RANBP17: variants seen among roughly 807,000 people sequenced by gnomAD.
The protein encoded by RANBP17 is RAN binding protein 17.
In RANBP17, 158 loss-of-function variants were observed where a neutral mutation model predicts 141.2. The ratio of observed to expected loss-of-function variants is 1.12; its 90% CI spans 0.98 to 1.28. The LOEUF is 1.28. Among genes scored for constraint, RANBP17 ranks in the 50% most tolerant of loss-of-function variants. The pLI is 0.00. For synonymous variants in RANBP17, 430 were observed against 450.0 expected, an observed-to-expected ratio of 0.96 and a Z score of 0.56; for missense variants, 1,438 against 1,290.7, an observed-to-expected ratio of 1.11 and a Z score of -1.75.
intron 1 of RANBP17, among the ~76,000 whole-genome samples, chr5:170,863,930 T>C (rs1767027879): frequency 6.6e-6 from 1 of 152,234 alleles, no homozygotes; most frequent in South Asian, 2.1e-4. Flanking sequence ...GACAGTTTTG[T>C]TGACTAGAAA....
At chr5:170,878,817 G>A (rs189280933) in intron 2 of RANBP17, among the ~76,000 whole-genome samples, 72 of 152,240 alleles carry the variant, frequency 4.7e-4, no homozygotes, top group African/African-American at 1.6e-3. Flanking sequence ...GAGACTGTGT[G>A]GTCTAGAGCA....
chr5:171,200,588 TG>T (rs34979950), intron 19 of RANBP17, among the ~76,000 whole-genome samples: 1,775 of 152,238 alleles, frequency 0.012, 31 homozygotes, highest in African/African-American at 0.04. Flanking sequence ...CTCCAGAGAA[TG>T]TAGACACCTT....
intron 14 of RANBP17, among the ~76,000 whole-genome samples, chr5:171,153,433 A>C (rs1048693619): frequency 1.3e-5 from 2 of 152,252 alleles, no homozygotes; most frequent in African/African-American, 4.8e-5. Context: ...TATGCTAAAC[A>C]GTGGGACACA....
At chr5:171,053,919 A>G (rs1329151270) in intron 14 of RANBP17, among the ~76,000 whole-genome samples, 1 of 43,408 alleles carries the variant, frequency 2.3e-5, no homozygotes, top group Non-Finnish European at 5.7e-5. Context: ...ATATATATAT[A>G]TATATAATTG....
chr5:170,910,223 C>T (rs772144210), intron 6 of RANBP17: 2 of 156,946 alleles, frequency 1.3e-5, no homozygotes, highest in African/African-American at 2.4e-5. Flanking sequence ...CTACTTAGTG[C>T]CCTATTGAAT....
chr5:171,047,365 T>C lies in RANBP17; in HGVS notation c.1710+78988T>C, dbSNP rs189645150. Among the ~76,000 whole-genome samples, 754 of 152,004 alleles carry C rather than the reference T, an allele frequency of 5.0e-3. 13 individuals are homozygous for C. The East Asian group carries it at 0.051, about 10-fold the overall frequency. On this transcript the variant is annotated intron_variant, in intron 14 of 27. Coordinates refer to ENST00000523189, the MANE Select transcript of RANBP17 (RefSeq NM_022897.5). ...GTAATGATGTTGAACGGTTTTTTTT[T>C]CCACAAACTTAATTGCCTCCATATA...
At chr5:171,245,039 G>A (rs1265812185) in intron 24 of RANBP17, among the ~76,000 whole-genome samples, 4 of 151,888 alleles carry the variant, frequency 2.6e-5, no homozygotes, top group Non-Finnish European at 5.9e-5. Context: ...TGAAGCAGGA[G>A]AATGGCGTGC....
intron 12 of RANBP17, among the ~76,000 whole-genome samples, chr5:170,934,569 A>C (rs1335295407): frequency 1.3e-5 from 2 of 152,208 alleles, no homozygotes; most frequent in Non-Finnish European, 2.9e-5. Flanking sequence ...TATGAAGCCT[A>C]GTTTGGCTGG....
chr5:171,236,675 G>C (rs898256800), intron 22 of RANBP17, among the ~76,000 whole-genome samples: 1 of 152,054 alleles, frequency 6.6e-6, no homozygotes, highest in Admixed American at 6.5e-5. Flanking sequence ...TATTGTCATA[G>C]TTTACATTTA....
intron 20 of RANBP17, chr5:171,205,855 T>C: frequency 1.7e-6 from 1 of 583,072 alleles, no homozygotes; most frequent in Non-Finnish European, 3.2e-6. Flanking sequence ...AAAAATGACT[T>C]CCCCCAAATG....
chr5:171,057,868 TC>T, intron 14 of RANBP17, among the ~76,000 whole-genome samples: 2 of 152,172 alleles, frequency 1.3e-5, no homozygotes. Flanking sequence ...GCCCCCATGA[TC>T]CAATTACCTA....
At chr5:170,974,619 T>C (rs1777229222) in intron 14 of RANBP17, among the ~76,000 whole-genome samples, 1 of 152,178 alleles carries the variant, frequency 6.6e-6, no homozygotes, top group Non-Finnish European at 1.5e-5. Context: ...CTGGTGGCCC[T>C]GTCCTTCCAG....
chr5:171,058,724 G>A (rs1783587992), intron 14 of RANBP17, among the ~76,000 whole-genome samples: 1 of 150,852 alleles, frequency 6.6e-6, no homozygotes, highest in South Asian at 2.1e-4. Flanking sequence ...CTAGATCCCT[G>A]AGGAATCGCC....
intron 14 of RANBP17, among the ~76,000 whole-genome samples, chr5:171,136,665 C>T (rs931405765): frequency 2.6e-5 from 4 of 152,118 alleles, no homozygotes; most frequent in Admixed American, 2.6e-4. Context: ...TAATTATAGT[C>T]TTATGAACTG....
chr5:170,989,675 T>A lies in RANBP17; in HGVS notation c.1710+21298T>A, dbSNP rs1335252758. On this transcript the variant is annotated intron_variant, in intron 14 of 27. Transcript: ENST00000523189. ...AGCCTGAGAGCTTGGTATTAAGTAGTTTAAACATCTTAATAATGTATTGGA... is the reference window on the plus strand; with the variant it reads ...AGCCTGAGAGCTTGGTATTAAGTAGATTAAACATCTTAATAATGTATTGGA... 9.9e-5 allele frequency among the ~76,000 whole-genome samples: 15 copies of A among 151,774 alleles called. No homozygotes were observed. The East Asian group carries it at 2.9e-3, about 29-fold the overall frequency.
intron 18 of RANBP17, among the ~76,000 whole-genome samples, chr5:171,196,378 C>T (rs375452995): frequency 4.8e-4 from 73 of 152,232 alleles, no homozygotes; most frequent in African/African-American, 1.6e-3. Flanking sequence ...GAGAAAGAGA[C>T]GGAATCAGAA....
intron 5 of RANBP17, among the ~76,000 whole-genome samples, chr5:170,901,497 A>T (rs1026151017): frequency 6.6e-6 from 1 of 152,174 alleles, no homozygotes; most frequent in Non-Finnish European, 1.5e-5. Context: ...GTGTCTTTTA[A>T]TTGGGGCATT....
chr5:170,919,319 T>C, intron 10 of RANBP17, 122 bp from the exon 11 acceptor site: 1 of 678,812 alleles, frequency 1.5e-6, no homozygotes, highest in Non-Finnish European at 2.3e-6. Context: ...TATTATGTGT[T>C]CATTAGTTTT....
intron 16 of RANBP17, among the ~76,000 whole-genome samples, chr5:171,179,265 T>C (rs1205681690): frequency 6.6e-6 from 1 of 152,184 alleles, no homozygotes; most frequent in African/African-American, 2.4e-5. Flanking sequence ...GTATAGTTTT[T>C]GGCCTATATA....
Sources: allele counts gnomAD v4.1 joint callset (sites outside exome capture counted in the v4.1 genomes callset), GRCh38; gene constraint gnomAD v4.1.1; transcripts MANE v1.5; gene names NCBI Gene and HGNC (gene_info 2026-07-23, HGNC 2026-07-21).